Variants in LAS1L observed in about 807,000 individuals in gnomAD.
LAS1L encodes the protein ribosomal biogenesis protein LAS1L.
LAS1L carries 5 observed loss-of-function variants against 57.3 expected under a neutral mutation model. That is an observed-to-expected ratio of 0.09 (90% CI 0.05 to 0.18). The LOEUF (loss-of-function observed/expected upper bound fraction) is 0.18. Among genes scored for constraint, LAS1L ranks in the 10% least tolerant of loss-of-function variants. The pLI is 1.00. For synonymous variants in LAS1L, 245 were observed against 231.7 expected (o/e 1.06, Z -0.52); for missense variants, 360 against 568.3 (o/e 0.63, Z 3.73).
Position 65,532,488 on chromosome X carries a change from C to T in LAS1L, c.432+73G>A, listed in dbSNP as rs2069549495. The T allele has an allele frequency of 3.9e-6, 3 of 771,210 alleles. No individual in the cohort carries two copies. In the Admixed American group the frequency reaches 6.7e-5, roughly 17 times the overall value. The allele number at this position is 771,210 out of a possible 1,213,427, so 63.6% of individuals were successfully genotyped here. On this transcript the variant is annotated intron_variant, in intron 3 of 13. Coordinates refer to ENST00000374811, the MANE Select transcript of LAS1L (RefSeq NM_031206.7). ...GGATGAGCTAGTCTGACTGTGTGCCCACAATACCCCATGCCCCATTTGGTG... is the reference window on the plus strand; with the variant it reads ...GGATGAGCTAGTCTGACTGTGTGCCTACAATACCCCATGCCCCATTTGGTG...
At chrX:65,526,704 C>T (rs2069163152) in intron 7 of LAS1L, among the ~76,000 whole-genome samples, 1 of 111,413 alleles carries the variant, frequency 9.0e-6, no homozygotes, top group Non-Finnish European at 1.9e-5. Context: ...AGGTAGAAAG[C>T]CCCCAAGAGC....
At chrX:65,516,710 C>G (rs1386886630) in intron 12 of LAS1L, among the ~76,000 whole-genome samples, 1 of 107,930 alleles carries the variant, frequency 9.3e-6, no homozygotes, top group Admixed American at 9.9e-5. Context: ...CCCTCCCTTT[C>G]AATATTTACA....
intron 1 of LAS1L, among the ~76,000 whole-genome samples, 156 bp from the exon 2 acceptor site, chrX:65,533,891 G>A (rs1049967449): frequency 1.8e-5 from 2 of 112,014 alleles, no homozygotes; most frequent in Non-Finnish European, 3.8e-5. Flanking sequence ...ACACGGTAAT[G>A]TCTGTGGGAT....
chrX:65,513,130 T>C (rs1445542108), intron 13 of LAS1L, among the ~76,000 whole-genome samples: 2 of 112,082 alleles, frequency 1.8e-5, no homozygotes, highest in African/African-American at 6.5e-5. Context: ...TCAAATGAAG[T>C]TTTATGCAGA....
chrX:65,526,744 C>T (rs926514591), intron 7 of LAS1L, among the ~76,000 whole-genome samples: 5 of 111,595 alleles, frequency 4.5e-5, no homozygotes, highest in African/African-American at 1.3e-4. Flanking sequence ...GGTAGACATA[C>T]TATGCGCCTG....
At chrX:65,520,612 C>T in intron 11 of LAS1L, 1 of 754,352 alleles carries the variant, frequency 1.3e-6, no homozygotes, top group South Asian at 6.7e-5. Context: ...GGGCAAACCC[C>T]CTCTGTTCTC....
intron 7 of LAS1L, among the ~76,000 whole-genome samples, chrX:65,527,836 A>G (rs1175497395): frequency 9.0e-6 from 1 of 110,924 alleles, no homozygotes; most frequent in African/African-American, 3.3e-5. Context: ...CTTTCTCAAA[A>G]AAAATAAATA....
At chrX:65,532,691 G>T (rs2069559176) in intron 2 of LAS1L, 61 bp from the exon 3 acceptor site, 1 of 825,570 alleles carries the variant, frequency 1.2e-6, no homozygotes, top group Non-Finnish European at 1.8e-6. Flanking sequence ...CAAACACTTT[G>T]CTGAGTTACT....
At chrX:65,518,522 C>A in intron 11 of LAS1L, 57 bp from the exon 12 acceptor site, 2 of 1,131,391 alleles carry the variant, frequency 1.8e-6, no homozygotes, top group Non-Finnish European at 2.3e-6. Flanking sequence ...CACTTCATAC[C>A]CCAACACTCC....
intron 9 of LAS1L, 36 bp downstream of exon 9, chrX:65,524,528 G>C (rs1441301755): frequency 1.9e-6 from 1 of 519,728 alleles, no homozygotes; most frequent in Non-Finnish European, 3.5e-6. Flanking sequence ...ACAAAACAGA[G>C]ATCTGGTTCT....
At position 65,534,201 on chromosome X, in the gene LAS1L, C is replaced by T. The variant is rs950510884; in HGVS notation, c.236+279G>A. On this transcript the variant is annotated intron_variant, in intron 1 of 13. Coordinates refer to ENST00000374811, the MANE Select transcript of LAS1L (RefSeq NM_031206.7). ...CTGGCTCAGGCCTCACTAGTCCCTCCGGCATCCTCTCCAAGTTGGGAGAAA... is the reference window on the plus strand; with the variant it reads ...CTGGCTCAGGCCTCACTAGTCCCTCTGGCATCCTCTCCAAGTTGGGAGAAA... Among the ~76,000 whole-genome samples, 3 of 112,190 alleles carry T rather than the reference C, an allele frequency of 2.7e-5. No homozygotes were observed. The Admixed American group carries it at 2.8e-4, about 11-fold the overall frequency.
Position 65,520,590 on chromosome X carries a change from A to G in LAS1L, c.1449-2125T>C, listed in dbSNP as rs1008330927. 2.1e-5 allele frequency: 16 copies of G among 752,328 alleles called. No individual in the cohort carries two copies. In the African/African-American group the frequency reaches 3.7e-4, roughly 17 times the overall value. 62.0% of individuals were successfully genotyped at this position (752,328 alleles called of 1,213,427 possible). On this transcript the variant is annotated intron_variant, in intron 11 of 13. Transcript: ENST00000374811. The stretch of plus-strand genomic sequence containing the variant: ...GATTCTGGCCCCAGCTCTGACTTGC[A>G]GCATAATACCTGGGCAAACCCCCTC...
At chrX:65,530,736 C>A (rs773795515) in intron 4 of LAS1L, among the ~76,000 whole-genome samples, 36 of 108,419 alleles carry the variant, frequency 3.3e-4, no homozygotes, top group Non-Finnish European at 5.7e-4. Context: ...ATCACTTGAA[C>A]CCAGGAGGTG....
At chrX:65,516,960 G>A (rs762720882) in intron 12 of LAS1L, among the ~76,000 whole-genome samples, 3 of 110,654 alleles carry the variant, frequency 2.7e-5, no homozygotes, top group African/African-American at 9.9e-5. Context: ...CATCACGCAG[G>A]CCCAGCTGTT....
At chrX:65,515,061 A>C in intron 12 of LAS1L, 88 bp from the exon 13 acceptor site, 1 of 940,317 alleles carries the variant, frequency 1.1e-6, no homozygotes, top group Non-Finnish European at 1.5e-6. Context: ...CCATCCACCC[A>C]CCCCACTTAG....
chrX:65,523,504 G>C (rs1040687167), intron 11 of LAS1L, 56 bp downstream of exon 11: 2 of 1,091,245 alleles, frequency 1.8e-6, no homozygotes. Context: ...AGGGCAGTGT[G>C]GCCCTGAGGC....
intron 10 of LAS1L, 103 bp downstream of exon 10, chrX:65,523,953 G>T: frequency 1.2e-6 from 1 of 843,941 alleles, no homozygotes; most frequent in Non-Finnish European, 1.7e-6. Flanking sequence ...CCTTTAACAC[G>T]GGAGGTGTTT....
rs752698040 is a variant in LAS1L at position 65,518,203 on chromosome X, C to T, written c.1711G>A (p.Glu571Lys). The change falls in exon 12 of 14, where the codon GAG becomes AAG. Residue 571 changes from glutamate (E) to lysine (K), a missense_variant. By Grantham distance (56) the Glu-to-Lys change is moderately conservative. This residue lies in a region of LAS1L where 123 missense variants were observed against 168.3 expected (regional missense o/e 0.73). Coordinates refer to ENST00000374811, the MANE Select transcript of LAS1L (RefSeq NM_031206.7). ...VNDVKEEEKE[E>K]KEVLPDQVEE... ...ACCTGGTCTGGCAAGACCTCTTTCTCCTCCTTCTCCTCTTCCTTGACATCA... is the reference window on the plus strand; with the variant it reads ...ACCTGGTCTGGCAAGACCTCTTTCTTCTCCTTCTCCTCTTCCTTGACATCA... 2 of 1,210,528 alleles carry T rather than the reference C, an allele frequency of 1.7e-6. No homozygotes were observed. The highest frequency in any genetic ancestry group is 5.9e-5 in the East Asian group (2 of 33,838).
At position 65,516,063 on chromosome X, in the gene LAS1L, T is replaced by A. The variant is rs183300596; in HGVS notation, c.1928-1090A>T. 1.9e-3 allele frequency among the ~76,000 whole-genome samples: 210 copies of A among 111,881 alleles called. 1 individual carries two copies. The highest frequency in any genetic ancestry group is 6.7e-3 in the African/African-American group (205 of 30,729). On this transcript the variant is annotated intron_variant, in intron 12 of 13. Coordinates refer to ENST00000374811, the MANE Select transcript of LAS1L (RefSeq NM_031206.7). ...CTTCACTGGTGCATTCCATGTAGAT[T>A]CCATTTCTGGCCTTCTGCATCTCCC... is the stretch of plus-strand genomic sequence containing the variant.
Sources: allele counts gnomAD v4.1 joint callset (sites outside exome capture counted in the v4.1 genomes callset), GRCh38; gene constraint gnomAD v4.1.1; regional missense constraint gnomAD v4.1.1; transcripts MANE v1.5; gene names NCBI Gene and HGNC (gene_info 2026-07-23, HGNC 2026-07-21).